GRIP1: variants seen among roughly 807,000 people sequenced by gnomAD.
The protein encoded by GRIP1 is glutamate receptor-interacting protein 1.
A neutral mutation model predicts 129.9 loss-of-function variants in GRIP1; 45 were observed. The ratio of observed to expected loss-of-function variants is 0.35; its 90% CI spans 0.27 to 0.44. The LOEUF (loss-of-function observed/expected upper bound fraction) is 0.44, where lower values mean the gene tolerates loss of function less well. Ranked by LOEUF, GRIP1 falls within the 20% of genes least tolerant of loss-of-function variation. The pLI is 1.00. For missense variants in GRIP1, 1,196 were observed against 1,396.8 expected, an observed-to-expected ratio of 0.86 and a Z score of 2.29; for synonymous variants, 530 against 520.8, an observed-to-expected ratio of 1.02 and a Z score of -0.24.
intron 9 of GRIP1, among the ~76,000 whole-genome samples, chr12:66,461,700 CTGAT>C (rs2059141133): frequency 6.6e-6 from 1 of 152,186 alleles, no homozygotes; most frequent in Admixed American, 6.5e-5. Context: ...ATCCAGCTGA[CTGAT>C]TTAGTATGAA....
intron 1 of GRIP1, among the ~76,000 whole-genome samples, chr12:67,054,106 T>C (rs1231674207): frequency 6.6e-6 from 1 of 152,190 alleles, no homozygotes; most frequent in African/African-American, 2.4e-5. Context: ...CCAGGCAAGA[T>C]ATGGAATATA....
intron 8 of GRIP1, 49 bp downstream of exon 8, chr12:66,465,226 G>A (rs754187584): frequency 2.2e-5 from 35 of 1,556,368 alleles, no homozygotes; most frequent in Non-Finnish European, 2.7e-5. Context: ...GATTACAGGC[G>A]TGAGCCACTG....
At chr12:66,638,550 G>A (rs114597169) in intron 1 of GRIP1, among the ~76,000 whole-genome samples, 2,797 of 152,256 alleles carry the variant, frequency 0.018, 96 homozygotes, top group African/African-American at 0.064. Context: ...TAGTTAACAA[G>A]TCAAGAGCTA....
chr12:66,546,866 TTGACA>T (rs78037015), intron 2 of GRIP1, among the ~76,000 whole-genome samples: 47,854 of 151,576 alleles, frequency 0.32, 7,610 homozygotes, highest in East Asian at 0.42. Context: ...GTTTCTAGAC[TTGACA>T]TAAGCATGAT....
chr12:66,373,499 G>A (rs561788767), intron 22 of GRIP1, among the ~76,000 whole-genome samples: 1 of 152,250 alleles, frequency 6.6e-6, no homozygotes, highest in South Asian at 2.1e-4. Flanking sequence ...TGATCATGAG[G>A]GAATACTGCA....
In GRIP1 at chr12:66,478,956, C is replaced by T. The variant is rs549479903; in HGVS notation, c.725-13534G>A. 5.9e-5 allele frequency among the ~76,000 whole-genome samples: 9 copies of T among 151,612 alleles called. No individual in the cohort carries two copies. In the East Asian group the frequency reaches 1.2e-3, roughly 20 times the overall value. On this transcript the variant is annotated intron_variant, in intron 7 of 24. Coordinates refer to ENST00000359742, the MANE Select transcript of GRIP1 (RefSeq NM_001366722.1). Reference sequence around the variant, plus strand: ...TGACGAGTTAATGGGTGCAGCACACCAACATGGCACAAATATACATATGTA... The same window carrying T: ...TGACGAGTTAATGGGTGCAGCACACTAACATGGCACAAATATACATATGTA...
intron 1 of GRIP1, among the ~76,000 whole-genome samples, chr12:66,654,633 A>G (rs73128817): frequency 0.2 from 29,707 of 152,156 alleles, 3,550 homozygotes; most frequent in Non-Finnish European, 0.27. Context: ...TAATGGCAGC[A>G]GGACAAAGGT....
At chr12:66,964,731 T>C (rs1296086347) in intron 1 of GRIP1, among the ~76,000 whole-genome samples, 3 of 152,196 alleles carry the variant, frequency 2.0e-5, no homozygotes, top group Non-Finnish European at 4.4e-5. Context: ...TTTGCTCTGG[T>C]TGCCATAACA....
intron 1 of GRIP1, among the ~76,000 whole-genome samples, chr12:66,814,944 C>T (rs1306469029): frequency 6.6e-6 from 1 of 152,088 alleles, no homozygotes; most frequent in Non-Finnish European, 1.5e-5. Context: ...ATCACAAGAA[C>T]AGCATGGGGA....
intron 1 of GRIP1, among the ~76,000 whole-genome samples, chr12:66,756,549 G>C (rs1270574963): frequency 6.6e-6 from 1 of 152,056 alleles, no homozygotes; most frequent in East Asian, 1.9e-4. Flanking sequence ...CTCTTTTTCT[G>C]ATGAACACCT....
chr12:66,742,169 T>A (rs1022792287), intron 1 of GRIP1, among the ~76,000 whole-genome samples: 1 of 152,154 alleles, frequency 6.6e-6, no homozygotes, highest in Non-Finnish European at 1.5e-5. Flanking sequence ...GAAAACTCCA[T>A]AAAGTTTCCT....
intron 1 of GRIP1, among the ~76,000 whole-genome samples, chr12:67,033,588 G>A (rs957169148): frequency 6.6e-6 from 1 of 151,976 alleles, no homozygotes; most frequent in African/African-American, 2.4e-5. Context: ...TCCAAATGAC[G>A]AAACTGGAGT....
chr12:66,357,586 A>T (rs770851632), intron 23 of GRIP1, among the ~76,000 whole-genome samples: 9 of 152,204 alleles, frequency 5.9e-5, no homozygotes, highest in Non-Finnish European at 1.3e-4. Context: ...TCACTGTCTG[A>T]ATCAAAATTT....
At chr12:66,633,024 A>AT (rs1041745332) in intron 1 of GRIP1, among the ~76,000 whole-genome samples, 3 of 151,494 alleles carry the variant, frequency 2.0e-5, no homozygotes, top group Non-Finnish European at 4.4e-5. Context: ...TAACTTTTTT[A>AT]TTTTTTTGAG....
intron 1 of GRIP1, among the ~76,000 whole-genome samples, chr12:66,766,838 C>T (rs2037655847): frequency 6.6e-6 from 1 of 152,198 alleles, no homozygotes; most frequent in Non-Finnish European, 1.5e-5. Flanking sequence ...TTGACACAAA[C>T]ATATTCCCAG....
At chr12:66,572,156 G>A (rs1191218249) in intron 2 of GRIP1, among the ~76,000 whole-genome samples, 1 of 152,172 alleles carries the variant, frequency 6.6e-6, no homozygotes, top group Non-Finnish European at 1.5e-5. Context: ...AAACAGCGGA[G>A]GCACATGAAC....
chr12:66,477,592 C>T (rs1231561086), intron 7 of GRIP1, among the ~76,000 whole-genome samples: 1 of 152,104 alleles, frequency 6.6e-6, no homozygotes, highest in African/African-American at 2.4e-5. Context: ...GCCAAAAGAA[C>T]AAAGCTGGAG....
intron 23 of GRIP1, among the ~76,000 whole-genome samples, chr12:66,364,278 AAAAAAAAAAAAAGAAAG>A (rs2054995869): frequency 6.8e-6 from 1 of 147,886 alleles, no homozygotes; most frequent in African/African-American, 2.5e-5. Context: ...AAAAAAAAAA[AAAAAAAAAAAAAGAAAG>A]AAAGAAAGAA....
At chr12:67,009,709 C>T (rs1012845948) in intron 1 of GRIP1, among the ~76,000 whole-genome samples, 8 of 152,108 alleles carry the variant, frequency 5.3e-5, no homozygotes, top group South Asian at 2.1e-4. Context: ...TCATCCAAGA[C>T]AAATCATAGG....
Sources: gnomAD v4.1 joint callset for allele counts (sites outside exome capture counted in the v4.1 genomes callset) on GRCh38, gnomAD v4.1.1 for gene constraint, MANE v1.5 for transcripts, NCBI Gene and HGNC (gene_info 2026-07-23, HGNC 2026-07-21) for gene names.